The following PTPRS variants were observed in gnomAD, a reference collection of about 807,000 sequenced individuals.
PTPRS encodes the protein receptor-type tyrosine-protein phosphatase S.
A neutral mutation model predicts 215.3 loss-of-function variants in PTPRS; 63 were observed. The ratio of observed to expected loss-of-function variants is 0.29; its 90% confidence interval spans 0.24 to 0.36. The LOEUF (loss-of-function observed/expected upper bound fraction) is 0.36. PTPRS is among the 10% of genes least tolerant of loss of function. The probability of loss-of-function intolerance (pLI) is 1.00; values close to 1 mark genes in which losing one functional copy is unlikely to be tolerated. For synonymous variants in PTPRS, 1,404 were observed against 1,191.4 expected, an observed-to-expected ratio of 1.18 and a Z score of -3.68; for missense variants, 2,258 against 2,825.8, an observed-to-expected ratio of 0.80 and a Z score of 4.56.
chr19:5,333,316 AT>A (rs879631809), intron 1 of PTPRS, among the ~76,000 whole-genome samples: 6 of 146,642 alleles, frequency 4.1e-5, no homozygotes, highest in African/African-American at 5.0e-5. Flanking sequence ...CAAAAAAAAA[AT>A]AAATAAATAA....
In PTPRS at chr19:5,272,026, C is replaced by G. The variant is rs549563470; in HGVS notation, c.379+1416G>C. Among the ~76,000 whole-genome samples, 98 of 152,208 alleles carry G rather than the reference C, an allele frequency of 6.4e-4. 2 individuals carry two copies. In the South Asian group the frequency reaches 0.02, roughly 31 times the overall value. On this transcript the variant is annotated intron_variant, in intron 4 of 37. Coordinates refer to ENST00000262963, the MANE Select transcript of PTPRS (RefSeq NM_002850.4). ...CAGATGTTTGAGTCCCTGTACTCAG[C>G]CCGACTTTAGAGATGAGAAAATTGC...
chr19:5,259,907 A>C lies in PTPRS; in HGVS notation c.595+898T>G, dbSNP rs1025709419. Among the ~76,000 whole-genome samples the C allele has an allele frequency of 1.2e-4, 18 of 152,328 alleles. 3 individuals carry two copies. Among genetic ancestry groups the C allele is most frequent in the Admixed American group, 4.6e-4 (7 of 15,292 alleles). On this transcript the variant is annotated intron_variant, in intron 7 of 37. Transcript: ENST00000262963. ...GACCTCGAGGTTCTGGGAAGCAGGCAGTATCTCCATCACTAAGGAGGCCCA... is the reference window on the plus strand; with the variant it reads ...GACCTCGAGGTTCTGGGAAGCAGGCCGTATCTCCATCACTAAGGAGGCCCA...
At position 5,214,663 on chromosome 19, in the gene PTPRS, C is replaced by T. The variant is rs559581868; in HGVS notation, c.4392G>A (p.Thr1464=). The T allele has an allele frequency of 4.3e-5, 70 of 1,613,148 alleles. No homozygotes were observed. Among genetic ancestry groups the T allele is most frequent in the Admixed American group, 1.5e-4 (9 of 60,022 alleles). The change falls in exon 29 of 38, where the codon ACG becomes ACA. Residue 1464 remains threonine (T), a synonymous_variant. Transcript: ENST00000262963. The part of the protein sequence containing the change: ...GYRCQNAYIA[T]QGPLPETFGD... ...CAAAGGTCTCAGGCAGCGGCCCCTGCGTGGCAATGTACGCGTTCTGACACC... is the reference window on the plus strand; with the variant it reads ...CAAAGGTCTCAGGCAGCGGCCCCTGTGTGGCAATGTACGCGTTCTGACACC...
chr19:5,268,015 A>G (rs1039271690), intron 4 of PTPRS, among the ~76,000 whole-genome samples: 7 of 152,148 alleles, frequency 4.6e-5, no homozygotes, highest in African/African-American at 1.7e-4. Flanking sequence ...TAAACTACAA[A>G]GAAGATTAGC....
chr19:5,246,901 G>GAGAA (rs1555777677), intron 9 of PTPRS, among the ~76,000 whole-genome samples: 1 of 151,618 alleles, frequency 6.6e-6, no homozygotes, highest in Non-Finnish European at 1.5e-5. Flanking sequence ...GAGAGAGAGA[G>GAGAA]AGAAAGAGAG....
chr19:5,293,473 G>C lies in PTPRS; in HGVS notation c.-94-7239C>G, dbSNP rs2049013643. On this transcript the variant is annotated intron_variant, in intron 1 of 37. Coordinates refer to ENST00000262963, the MANE Select transcript of PTPRS (RefSeq NM_002850.4). This position sits in a 1 kb window ranked among gnomAD's most constrained non-coding sequence, Gnocchi z 8.4. Reference sequence around the variant, plus strand: ...GAGTCCATGAAACACTGAGCGAAGGGGCGCCCCAGGGAGGGCACGACCCAA... The same window carrying C: ...GAGTCCATGAAACACTGAGCGAAGGCGCGCCCCAGGGAGGGCACGACCCAA... Among the ~76,000 whole-genome samples, 1 of 152,030 alleles carries C rather than the reference G, an allele frequency of 6.6e-6. No individual in the cohort carries two copies. Among genetic ancestry groups the C allele is most frequent in the South Asian group, 2.1e-4 (1 of 4,830 alleles).
intron 1 of PTPRS, among the ~76,000 whole-genome samples, chr19:5,328,149 C>G (rs1287497257): frequency 3.9e-5 from 6 of 152,114 alleles, no homozygotes; most frequent in Non-Finnish European, 8.8e-5. Flanking sequence ...CAGAGTCTCA[C>G]TCTATTGCCC....
chr19:5,260,634 CCACAGA>C (rs939579448), intron 7 of PTPRS, among the ~76,000 whole-genome samples, 165 bp downstream of exon 7: 23 of 152,298 alleles, frequency 1.5e-4, no homozygotes, highest in South Asian at 6.2e-4. Flanking sequence ...AGCCCCCTGG[CCACAGA>C]CACAGACACA....
At chr19:5,303,297 C>T (rs995729076) in intron 1 of PTPRS, among the ~76,000 whole-genome samples, 4 of 152,142 alleles carry the variant, frequency 2.6e-5, no homozygotes, top group Non-Finnish European at 5.9e-5. Context: ...AACCGAGGCA[C>T]AAACCAGGGA....
intron 30 of PTPRS, among the ~76,000 whole-genome samples, chr19:5,213,550 C>T (rs753168988): frequency 1.3e-5 from 2 of 152,188 alleles, no homozygotes; most frequent in African/African-American, 4.8e-5. Context: ...GTCTTGTCTA[C>T]TAGACTGTTA....
chr19:5,279,885 G>A (rs1346597019), intron 2 of PTPRS, among the ~76,000 whole-genome samples: 2 of 152,016 alleles, frequency 1.3e-5, no homozygotes, highest in Non-Finnish European at 2.9e-5. Context: ...GGGTTTCACC[G>A]TGTTAGCCAG....
Position 5,210,571 on chromosome 19 carries a change from C to A in PTPRS, c.5385G>T (p.Pro1795=). ...MGREKCHQYW[P]AERSARYQYF... ...ACTGGTAGCGGGCAGAGCGCTCGGC[C>A]GGCCAGTACTGGTGACACTTCTCCT... Residue 1795 remains proline, a synonymous_variant, in exon 35 of 38, where the codon CCG becomes CCT. Transcript: ENST00000262963. The surrounding 1 kb of genome is among the most constrained non-coding windows in gnomAD (Gnocchi z 4.5). The A allele has an allele frequency of 6.2e-7, 1 of 1,614,194 alleles. No homozygotes were observed. The highest frequency in any genetic ancestry group is 8.5e-7 in the Non-Finnish European group (1 of 1,180,024).
intron 1 of PTPRS, among the ~76,000 whole-genome samples, chr19:5,286,917 T>C (rs2048397999): frequency 1.3e-5 from 2 of 152,034 alleles, no homozygotes; most frequent in Admixed American, 1.3e-4. Context: ...TGAGCCCCAG[T>C]TTTCTCCAAC....
In PTPRS at chr19:5,329,801, G is replaced by A. The variant is rs150701329; in HGVS notation, c.-95+10863C>T. The stretch of plus-strand genomic sequence containing the variant: ...AAAAAATTAAGAATTTCCAGGTCGG[G>A]CATGGTGGCTCACGCCTGGGATCCC... On this transcript the variant is annotated intron_variant, in intron 1 of 37. Coordinates refer to ENST00000262963, the MANE Select transcript of PTPRS (RefSeq NM_002850.4). Among the ~76,000 whole-genome samples, 185 of 151,488 alleles carry A rather than the reference G, an allele frequency of 1.2e-3. 1 individual carries two copies. Among genetic ancestry groups the A allele is most frequent in the African/African-American group, 4.3e-3 (177 of 41,278 alleles).
intron 2 of PTPRS, among the ~76,000 whole-genome samples, chr19:5,277,226 A>AT (rs2047456797): frequency 6.6e-6 from 1 of 151,860 alleles, no homozygotes; most frequent in Non-Finnish European, 1.5e-5. Context: ...CGCCTGGCTA[A>AT]TTTTTTTATT....
In PTPRS at chr19:5,230,378, G is replaced by A. The variant is rs536396567; in HGVS notation, c.2156-694C>T. On this transcript the variant is annotated intron_variant, in intron 14 of 37. Transcript: ENST00000262963. ...AGTGGCAGGATCACGGCTCACTGCAGCTTTGAACTCCTGGGCTTAAGCGAT... is the reference window on the plus strand; with the variant it reads ...AGTGGCAGGATCACGGCTCACTGCAACTTTGAACTCCTGGGCTTAAGCGAT... 2.6e-5 allele frequency among the ~76,000 whole-genome samples: 4 copies of A among 152,304 alleles called. No homozygotes were observed. In the East Asian group the frequency reaches 7.7e-4, roughly 29 times the overall value.
At position 5,237,556 on chromosome 19, in the gene PTPRS, T is replaced by C. The variant is rs1176929084; in HGVS notation, c.1849+1363A>G. ...GTGCGTGGGCAGCGTGGCATGGTGG[T>C]GGCACGTGGTTTGGGAGAGTTTCTG... On this transcript the variant is annotated intron_variant, in intron 13 of 37. Transcript: ENST00000262963. This position sits in a 1 kb window ranked among gnomAD's most constrained non-coding sequence, Gnocchi z 4.2. 3.9e-5 allele frequency among the ~76,000 whole-genome samples: 6 copies of C among 152,066 alleles called. No homozygotes were observed. Among genetic ancestry groups the C allele is most frequent in the Non-Finnish European group, 2.9e-5 (2 of 68,012 alleles).
Position 5,313,591 on chromosome 19 carries a change from G to A in PTPRS, c.-95+27073C>T, listed in dbSNP as rs534559705. Among the ~76,000 whole-genome samples, 8 of 152,266 alleles carry A rather than the reference G, an allele frequency of 5.3e-5. No individual in the cohort carries two copies. In the South Asian group the frequency reaches 1.2e-3, roughly 24 times the overall value. On this transcript the variant is annotated intron_variant, in intron 1 of 37. Coordinates refer to ENST00000262963, the MANE Select transcript of PTPRS (RefSeq NM_002850.4). ...AACGGGGACCTCCCTACCTGTCTCC[G>A]TGTGATGTGTTTATCAAGAGGACGG...
chr19:5,238,145 G>A (rs554845964), intron 13 of PTPRS, among the ~76,000 whole-genome samples: 31 of 152,302 alleles, frequency 2.0e-4, no homozygotes, highest in African/African-American at 5.5e-4. Context: ...TGGGCTGAGC[G>A]GAGCCAGGGA....
Sources: gnomAD v4.1 joint callset for allele counts (sites outside exome capture counted in the v4.1 genomes callset) on GRCh38, gnomAD v4.1.1 for gene constraint, Gnocchi (gnomAD v3.1) non-coding constraint, MANE v1.5 for transcripts, NCBI Gene and HGNC (gene_info 2026-07-23, HGNC 2026-07-21) for gene names.